CHD9: variants seen among roughly 807,000 people sequenced by gnomAD.
CHD9 encodes the protein ATP-dependent chromatin remodeler CHD9.
CHD9 carries 77 observed loss-of-function variants against 316.1 expected under a neutral mutation model. The ratio of observed to expected loss-of-function variants is 0.24; its 90% CI spans 0.20 to 0.29. The LOEUF is 0.29. Ranked by LOEUF, CHD9 falls within the 10% of genes least tolerant of loss-of-function variation. The pLI, the probability that CHD9 is intolerant of heterozygous loss-of-function variation, is 1.00. For synonymous variants in CHD9, 1,129 were observed against 1,158.3 expected (o/e 0.97, Z 0.51); for missense variants, 2,763 against 3,438.1 (o/e 0.80, Z 4.91).
intron 4 of CHD9, among the ~76,000 whole-genome samples, chr16:53,224,825 G>A (rs1456151733): frequency 6.6e-6 from 1 of 152,104 alleles, no homozygotes; most frequent in African/African-American, 2.4e-5. Flanking sequence ...TTAGCCTAGT[G>A]TTAGAAATCC....
In CHD9 at chr16:53,307,878, A is replaced by C; in HGVS notation, c.6978A>C (p.Glu2326Asp). 6.2e-7 allele frequency: 1 copy of C among 1,613,866 alleles called. No homozygotes were observed. Among genetic ancestry groups the C allele is most frequent in the Non-Finnish European group, 8.5e-7 (1 of 1,179,846 alleles). The change falls in exon 33 of 39, where the codon GAA becomes GAC. Residue 2326 changes from glutamate (E) to aspartate (D), a missense_variant. Physicochemically the swap from Glu to Asp is conservative, Grantham distance 45 (BLOSUM62 2). Transcript: ENST00000447540. Reference sequence around the variant, plus strand: ...CCCCAGGTGCCGGTGTTAAAGAAGAACATGATCAGTCAACACAGATGTCAA... The same window carrying C: ...CCCCAGGTGCCGGTGTTAAAGAAGACCATGATCAGTCAACACAGATGTCAA... Reference protein sequence around the residue: ...PTPPGAGVKEEHDQSTQMSKV... With the variant: ...PTPPGAGVKEDHDQSTQMSKV...
chr16:53,303,166 T>C (rs2055605258), intron 30 of CHD9, among the ~76,000 whole-genome samples: 1 of 151,520 alleles, frequency 6.6e-6, no homozygotes, highest in African/African-American at 2.4e-5. Flanking sequence ...TCGTAAACTT[T>C]CTTAAAATAT....
At chr16:53,284,964 G>T (rs1433215586) in intron 24 of CHD9, among the ~76,000 whole-genome samples, 3 of 151,914 alleles carry the variant, frequency 2.0e-5, no homozygotes, top group African/African-American at 7.3e-5. Flanking sequence ...ATGGGGTTTT[G>T]CCACGTTGCC....
chr16:53,234,899 A>G (rs2048493512), intron 10 of CHD9, among the ~76,000 whole-genome samples: 1 of 150,940 alleles, frequency 6.6e-6, no homozygotes, highest in Admixed American at 6.6e-5. Flanking sequence ...CATTATGAAT[A>G]TTTGCATCTT....
chr16:53,191,104 C>G (rs1247283609), intron 2 of CHD9, among the ~76,000 whole-genome samples: 1 of 152,080 alleles, frequency 6.6e-6, no homozygotes, highest in African/African-American at 2.4e-5. Flanking sequence ...GGTAGTCTTC[C>G]TCCCATCCCT....
intron 1 of CHD9, among the ~76,000 whole-genome samples, chr16:53,131,600 G>T (rs148660335): frequency 0.017 from 2,565 of 151,574 alleles, 138 homozygotes; most frequent in Admixed American, 0.1. Flanking sequence ...GGTGAGGGCC[G>T]GGCGGCCAGG....
At chr16:53,247,262 T>G (rs1217672263) in intron 15 of CHD9, 31 bp from the exon 16 acceptor site, 1 of 1,477,986 alleles carries the variant, frequency 6.8e-7, no homozygotes, top group Non-Finnish European at 9.3e-7. Context: ...CATTTGCACA[T>G]TGCTGTTATC....
chr16:53,130,185 G>C (rs924505192), intron 1 of CHD9, among the ~76,000 whole-genome samples: 1 of 151,274 alleles, frequency 6.6e-6, no homozygotes, highest in South Asian at 2.1e-4. Context: ...CGCGGCGGGC[G>C]CCGGCTACTG....
At chr16:53,309,701 C>G (rs2056299857) in intron 34 of CHD9, among the ~76,000 whole-genome samples, 1 of 152,180 alleles carries the variant, frequency 6.6e-6, no homozygotes, top group Non-Finnish European at 1.5e-5. Flanking sequence ...CTCCTGACCT[C>G]AAACGATCCT....
At chr16:53,120,499 G>A (rs1265188323) in intron 1 of CHD9, among the ~76,000 whole-genome samples, 1 of 152,154 alleles carries the variant, frequency 6.6e-6, no homozygotes. Flanking sequence ...TGTAATCCCA[G>A]CTACTAAGGA....
chr16:53,183,915 T>C (rs1338501347), intron 2 of CHD9, among the ~76,000 whole-genome samples: 2 of 152,212 alleles, frequency 1.3e-5, no homozygotes, highest in African/African-American at 4.8e-5. Context: ...CCACACAAGA[T>C]TGTTTTTCAC....
intron 1 of CHD9, among the ~76,000 whole-genome samples, chr16:53,117,047 G>GTGTGTCT (rs1284946733): frequency 6.6e-6 from 1 of 152,092 alleles, no homozygotes; most frequent in East Asian, 1.9e-4. Context: ...CACAGGGAGA[G>GTGTGTCT]GAACATCACA....
In CHD9 at chr16:53,156,237, A is replaced by C; in HGVS notation, c.148A>C (p.Ile50Leu). The C allele has an allele frequency of 6.2e-7, 1 of 1,614,044 alleles. No individual in the cohort carries two copies. The highest frequency in any genetic ancestry group is 8.5e-7 in the Non-Finnish European group (1 of 1,179,896). ...GGGTGCAGAATTTGAACCGTTGCAC[A>C]TAGATTCACTGAACCATGTTCAAGG... ...NLGAEFEPLH[I>L]DSLNHVQGTP... Residue 50 changes from isoleucine to leucine, a missense_variant, in exon 2 of 39, where the codon ATA becomes CTA. Ile to Leu is a conservative substitution (Grantham distance 5, BLOSUM62 2). Around this residue, in one of 15 missense-constraint regions of CHD9, gnomAD observed 859 missense variants for 890.4 expected, o/e 0.96. Coordinates refer to ENST00000447540, the MANE Select transcript of CHD9 (RefSeq NM_001308319.2).
chr16:53,091,342 T>TGG (rs1266012941), intron 1 of CHD9, among the ~76,000 whole-genome samples: 1 of 152,200 alleles, frequency 6.6e-6, no homozygotes, highest in East Asian at 1.9e-4. Flanking sequence ...TTTCCTCATC[T>TGG]GTAAAAAATG....
chr16:53,256,984 C>T (rs2050664043), intron 19 of CHD9, among the ~76,000 whole-genome samples: 1 of 151,844 alleles, frequency 6.6e-6, no homozygotes, highest in Non-Finnish European at 1.5e-5. Context: ...TTGCTAAATG[C>T]CAGGAATACT....
chr16:53,197,015 C>G (rs2044984768), intron 2 of CHD9, among the ~76,000 whole-genome samples: 1 of 152,196 alleles, frequency 6.6e-6, no homozygotes, highest in Non-Finnish European at 1.5e-5. Context: ...AGAGAATTTA[C>G]TAGTCCATGC....
intron 11 of CHD9, among the ~76,000 whole-genome samples, chr16:53,238,134 G>C (rs969646111): frequency 2.0e-5 from 3 of 151,962 alleles, no homozygotes; most frequent in African/African-American, 7.3e-5. Flanking sequence ...CTAATGGGTG[G>C]TATCCTTATT....
At position 53,081,935 on chromosome 16, in the gene CHD9, A is replaced by G. The variant is rs537504837; in HGVS notation, c.-165+26858A>G. ...CAGTTTTCTCCTCTATAAAAACAAT[A>G]TTTAAAAAAGTCTAACACCTACTCT... On this transcript the variant is annotated intron_variant, in intron 1 of 38. Transcript: ENST00000447540. 1.1e-4 allele frequency among the ~76,000 whole-genome samples: 16 copies of G among 152,292 alleles called. 1 individual carries two copies. The South Asian group carries it at 2.5e-3, about 24-fold the overall frequency.
chr16:53,062,778 C>G (rs1243223650), intron 1 of CHD9, among the ~76,000 whole-genome samples: 1 of 152,176 alleles, frequency 6.6e-6, no homozygotes, highest in Non-Finnish European at 1.5e-5. Flanking sequence ...CGCCTGTAAT[C>G]CCAGCACTTT....
Sources: allele counts gnomAD v4.1 joint callset (sites outside exome capture counted in the v4.1 genomes callset), GRCh38; gene constraint gnomAD v4.1.1; regional missense constraint gnomAD v4.1.1; transcripts MANE v1.5; gene names NCBI Gene and HGNC (gene_info 2026-07-23, HGNC 2026-07-21).